The following CASD1 variants were observed in gnomAD, a reference collection of about 807,000 sequenced individuals.
The protein encoded by CASD1 is CAS1 domain sialic acid O acetyltransferase 1, also known as N-acetylneuraminate (7)9-O-acetyltransferase.
A neutral mutation model predicts 100.0 loss-of-function variants in CASD1; 41 were observed. That is an observed-to-expected ratio of 0.41 (90% CI 0.32 to 0.53). The LOEUF (loss-of-function observed/expected upper bound fraction) is 0.53, where lower values mean the gene tolerates loss of function less well. Among genes scored for constraint, CASD1 ranks in the 20% least tolerant of loss-of-function variants. The probability of loss-of-function intolerance (pLI) is 0.25; values close to 1 mark genes in which losing one functional copy is unlikely to be tolerated. For missense variants in CASD1, 774 were observed against 948.7 expected (o/e 0.82, Z 2.42); for synonymous variants, 321 against 315.6 (o/e 1.02, Z -0.18).
the CASD1 span, among the ~76,000 whole-genome samples, chr7:94,615,987 C>T: frequency 2.0e-5 from 3 of 152,202 alleles, no homozygotes; most frequent in Non-Finnish European, 2.9e-5. Context: ...GAAAATGAAT[C>T]TTTTCAGAGG....
At position 94,544,507 on chromosome 7, in the gene CASD1, T is replaced by C. The variant is rs758974043; in HGVS notation, c.1453T>C (p.Phe485Leu). 5.6e-6 allele frequency: 9 copies of C among 1,612,980 alleles called. No homozygotes were observed. In the East Asian group the frequency reaches 1.8e-4, roughly 32 times the overall value. Reference protein sequence around the residue: ...HFSYFWIKGDFGIYRVCQVLF... With the variant: ...HFSYFWIKGDLGIYRVCQVLF... ...CTCATACTTTTGGATAAAAGGAGAT[T>C]TTGGAATCTATAGAGTATGTCAGGT... Residue 485 changes from phenylalanine to leucine, a missense_variant, in exon 11 of 18, where the codon TTT becomes CTT. Physicochemically the swap from Phe to Leu is conservative, Grantham distance 22. Coordinates refer to ENST00000297273, the MANE Select transcript of CASD1 (RefSeq NM_022900.5).
chr7:94,550,762 C>A (rs1004700878), intron 14 of CASD1, among the ~76,000 whole-genome samples: 1 of 152,158 alleles, frequency 6.6e-6, no homozygotes, highest in Middle Eastern at 3.4e-3. Flanking sequence ...CCAAAACTGT[C>A]ACACTGGGGA....
the CASD1 span, chr7:94,623,535 C>A: frequency 1.6e-6 from 1 of 644,156 alleles, no homozygotes; most frequent in South Asian, 2.0e-5. Flanking sequence ...TATTCCTTCT[C>A]TGGGCAATGA....
chr7:94,576,741 T>G, the CASD1 span, among the ~76,000 whole-genome samples: 1 of 152,226 alleles, frequency 6.6e-6, no homozygotes, highest in East Asian at 1.9e-4. Flanking sequence ...GTGACTCCAC[T>G]GGGAAGGGTT....
chr7:94,531,697 T>C (rs555580919), intron 5 of CASD1, among the ~76,000 whole-genome samples: 75 of 152,270 alleles, frequency 4.9e-4, no homozygotes, highest in African/African-American at 1.8e-3. Context: ...TATTTTACAG[T>C]AAGCATGTAT....
the CASD1 span, among the ~76,000 whole-genome samples, chr7:94,565,333 C>T: frequency 6.6e-6 from 1 of 152,146 alleles, no homozygotes; most frequent in Non-Finnish European, 1.5e-5. Context: ...CTTGGCTGAG[C>T]ATTTAAACAC....
intron 1 of CASD1, among the ~76,000 whole-genome samples, chr7:94,515,623 A>T (rs986716488): frequency 1.3e-5 from 2 of 152,138 alleles, no homozygotes; most frequent in African/African-American, 4.8e-5. Flanking sequence ...CCGGTAACCC[A>T]TATAGATGCA....
chr7:94,623,591 C>T, the CASD1 span: 7 of 586,310 alleles, frequency 1.2e-5, no homozygotes, highest in African/African-American at 1.9e-5. Flanking sequence ...AATAATTAGT[C>T]AGGTCTATTT....
intron 11 of CASD1, 78 bp downstream of exon 11, chr7:94,544,608 T>TA: frequency 7.0e-7 from 1 of 1,430,974 alleles, no homozygotes. Flanking sequence ...GAAAAAAATA[T>TA]AAATATAGTC....
the CASD1 span, among the ~76,000 whole-genome samples, chr7:94,632,622 C>G: frequency 6.6e-6 from 1 of 152,082 alleles, no homozygotes; most frequent in Non-Finnish European, 1.5e-5. Flanking sequence ...GACTAAGCCA[C>G]TATGTTTTGT....
Position 94,525,775 on chromosome 7 carries a change from TTTTAGA to T in CASD1, c.352-1386_352-1381del, listed in dbSNP as rs1794534236. On this transcript the variant is annotated intron_variant, in intron 3 of 17. Transcript: ENST00000297273. The stretch of plus-strand genomic sequence containing the variant: ...TCGAGACTCCTTTTGGAAAGTGATG[TTTTAGA>T]AGCACCAACAAGAATCTAAAAAGTT... Among the ~76,000 whole-genome samples, 5 of 152,306 alleles carry T rather than the reference TTTTAGA, an allele frequency of 3.3e-5. No individual in the cohort carries two copies. The South Asian group carries it at 1.0e-3, about 32-fold the overall frequency.
the CASD1 span, among the ~76,000 whole-genome samples, chr7:94,573,594 C>T: frequency 6.6e-6 from 1 of 152,142 alleles, no homozygotes; most frequent in Admixed American, 6.5e-5. Flanking sequence ...TGAAACTTTG[C>T]TGTAGTTGCT....
At chr7:94,631,341 G>A in the CASD1 span, among the ~76,000 whole-genome samples, 2 of 151,556 alleles carry the variant, frequency 1.3e-5, no homozygotes, top group Admixed American at 1.3e-4. Context: ...TACCCTGAAT[G>A]TGAGGTGCTA....
At chr7:94,574,295 T>G in the CASD1 span, among the ~76,000 whole-genome samples, 2 of 152,132 alleles carry the variant, frequency 1.3e-5, no homozygotes, top group African/African-American at 4.8e-5. Flanking sequence ...ATAATTTCTA[T>G]AGGAATGATA....
At position 94,547,187 on chromosome 7, in the gene CASD1, CTT is replaced by C. The variant is rs1200349139; in HGVS notation, c.1713+15_1713+16del. 1.3e-6 allele frequency: 2 copies of C among 1,526,086 alleles called. No individual in the cohort carries two copies. Among genetic ancestry groups the C allele is most frequent in the Admixed American group, 1.9e-5 (1 of 52,442 alleles). 94.5% of individuals were successfully genotyped at this position (1,526,086 alleles called of 1,614,324 possible). A position where few individuals can be genotyped will look rare whatever the true frequency, so the allele number is the denominator to read the frequency against. Reference sequence around the variant, plus strand: ...TGGCATATTCTCAGGTTTGTACAATCTTTTCAGTTTATATTTTTTCATATTTT... The same window carrying C: ...TGGCATATTCTCAGGTTTGTACAATCTTCAGTTTATATTTTTTCATATTTT... On this transcript the variant is annotated intron_variant, in intron 13 of 17. Coordinates refer to ENST00000297273, the MANE Select transcript of CASD1 (RefSeq NM_022900.5).
chr7:94,629,648 T>C, the CASD1 span: 9 of 1,297,316 alleles, frequency 6.9e-6, no homozygotes, highest in Admixed American at 8.4e-5. Context: ...TTATCATATA[T>C]GTCTATATTA....
the CASD1 span, among the ~76,000 whole-genome samples, chr7:94,575,213 C>G: frequency 6.6e-6 from 1 of 152,140 alleles, no homozygotes; most frequent in African/African-American, 2.4e-5. Flanking sequence ...TTAACACTGC[C>G]TTAGCTGTGT....
chr7:94,558,103 T>C (rs552802750), downstream of CASD1, among the ~76,000 whole-genome samples: 1 of 152,188 alleles, frequency 6.6e-6, no homozygotes, highest in East Asian at 1.9e-4. Flanking sequence ...GACTGAATTC[T>C]ACCTCAATCG....
rs547700382 is a variant in CASD1, at chr7:94,515,021, G to T, written c.134-2539G>T. Among the ~76,000 whole-genome samples, 27 of 151,962 alleles carry T rather than the reference G, an allele frequency of 1.8e-4. No homozygotes were observed. The East Asian group carries it at 4.8e-3, about 27-fold the overall frequency. ...ATGAAATTTTATGGAGTTTTTTCTG[G>T]ATCAGGTTAATTTATTTTAATCAGG... On this transcript the variant is annotated intron_variant, in intron 1 of 17. Coordinates refer to ENST00000297273, the MANE Select transcript of CASD1 (RefSeq NM_022900.5).
Sources: allele counts gnomAD v4.1 joint callset (sites outside exome capture counted in the v4.1 genomes callset), GRCh38; gene constraint gnomAD v4.1.1; transcripts MANE v1.5; gene names NCBI Gene and HGNC (gene_info 2026-07-23, HGNC 2026-07-21).